B3GLCT: variants seen among roughly 807,000 people sequenced by gnomAD.
B3GLCT encodes beta-1,3-glucosyltransferase.
Under a neutral mutation model 63.4 loss-of-function variants are expected in B3GLCT, and 65 were observed. That is an observed-to-expected ratio of 1.03 (90% CI 0.84 to 1.26). B3GLCT has a LOEUF of 1.26. Ranked by LOEUF, B3GLCT falls within the 50% of genes most tolerant of loss-of-function variation. The pLI is 0.00. For missense variants in B3GLCT, 577 were observed against 604.8 expected, an observed-to-expected ratio of 0.95 and a Z score of 0.48; for synonymous variants, 233 against 219.2, an observed-to-expected ratio of 1.06 and a Z score of -0.55.
chr13:31,329,649 G>C lies in B3GLCT; in HGVS notation c.1478G>C (p.Gly493Ala). ...EDKARQETQK[G>A]FREEL The stretch of plus-strand genomic sequence containing the variant: ...AAAGCCAGGCAGGAGACACAGAAAG[G>C]TTTTCGAGAGGAGTTATAAATCAGG... The change falls in exon 15 of 15, where the codon GGT becomes GCT. Residue 493 changes from glycine to alanine, a missense_variant. By Grantham distance (60) the Gly-to-Ala change is moderately conservative. Coordinates refer to ENST00000343307, the MANE Select transcript of B3GLCT (RefSeq NM_194318.4). 1 of 1,614,206 alleles carries C rather than the reference G, an allele frequency of 6.2e-7. No individual in the cohort carries two copies. The highest frequency in any genetic ancestry group is 8.5e-7 in the Non-Finnish European group (1 of 1,180,032).
intron 6 of B3GLCT, among the ~76,000 whole-genome samples, chr13:31,254,462 G>A (rs1001064250): frequency 4.6e-5 from 7 of 152,094 alleles, no homozygotes; most frequent in Non-Finnish European, 1.0e-4. Context: ...AAATTCAACA[G>A]CCCTTCATGC....
At chr13:31,300,000 G>T (rs986805070) in intron 12 of B3GLCT, among the ~76,000 whole-genome samples, 1 of 152,142 alleles carries the variant, frequency 6.6e-6, no homozygotes, top group Non-Finnish European at 1.5e-5. Context: ...TTAGGAAAAT[G>T]CATCCAATAC....
At chr13:31,291,891 C>A (rs1873678747) in intron 12 of B3GLCT, among the ~76,000 whole-genome samples, 1 of 152,114 alleles carries the variant, frequency 6.6e-6, no homozygotes, top group South Asian at 2.1e-4. Flanking sequence ...TTGTCTTCTG[C>A]CAGTTTTCAA....
chr13:31,254,584 C>T (rs1333675385), intron 6 of B3GLCT, among the ~76,000 whole-genome samples: 7 of 152,132 alleles, frequency 4.6e-5, no homozygotes, highest in Admixed American at 4.6e-4. Flanking sequence ...TGGAAGCATT[C>T]CCTTTGAAAA....
intron 4 of B3GLCT, among the ~76,000 whole-genome samples, chr13:31,232,094 C>T (rs2137776891): frequency 6.6e-6 from 1 of 152,342 alleles, no homozygotes; most frequent in African/African-American, 2.4e-5. Flanking sequence ...TGTGCCAAGA[C>T]AGTTGCACCA....
At position 31,247,035 on chromosome 13, in the gene B3GLCT, GTCC is replaced by G. The variant is rs1351320861; in HGVS notation, c.291_293del (p.Leu98del). ...ATTGTTTTCTCAGGAGCTCCCCAGT[GTCC>G]TCCTCCTTCATCAGCTGGCTAAACA... On this transcript the variant is annotated inframe_deletion, in exon 5 of 15. Transcript: ENST00000343307. The G allele has an allele frequency of 5.0e-6, 8 of 1,606,452 alleles. No individual in the cohort carries two copies. Among genetic ancestry groups the G allele is most frequent in the Non-Finnish European group, 6.8e-6 (8 of 1,178,484 alleles).
chr13:31,321,231 A>G (rs1875315162), intron 13 of B3GLCT, among the ~76,000 whole-genome samples: 1 of 152,260 alleles, frequency 6.6e-6, no homozygotes, highest in Non-Finnish European at 1.5e-5. Flanking sequence ...GCTTTTACAA[A>G]GATGCAGGAA....
At chr13:31,246,999 C>A in intron 4 of B3GLCT, 24 bp from the exon 5 acceptor site, 4 of 1,380,718 alleles carry the variant, frequency 2.9e-6, no homozygotes, top group South Asian at 1.4e-5. Flanking sequence ...TCATACTTAT[C>A]TTCTTTGATC....
intron 1 of B3GLCT, among the ~76,000 whole-genome samples, chr13:31,204,414 G>A (rs954667429): frequency 6.6e-6 from 1 of 152,138 alleles, no homozygotes; most frequent in Non-Finnish European, 1.5e-5. Context: ...GAGAAACTGT[G>A]GGGTAAGGGT....
At chr13:31,229,082 C>A in intron 3 of B3GLCT, 103 bp from the exon 4 acceptor site, 1 of 745,222 alleles carries the variant, frequency 1.3e-6, no homozygotes, top group Non-Finnish European at 2.3e-6. Flanking sequence ...TAAGAGTTTA[C>A]TGCCTGAAGG....
intron 2 of B3GLCT, among the ~76,000 whole-genome samples, chr13:31,217,389 G>C (rs9592516): frequency 0.09 from 13,666 of 152,132 alleles, 1,550 homozygotes; most frequent in East Asian, 0.45. Context: ...CTCCCATTCT[G>C]TAGGTTATCT....
intron 1 of B3GLCT, among the ~76,000 whole-genome samples, chr13:31,200,682 G>C (rs1868612228): frequency 6.6e-6 from 1 of 151,968 alleles, no homozygotes; most frequent in African/African-American, 2.4e-5. Context: ...CCCCGGGGGC[G>C]AGGACTGCGG....
intron 8 of B3GLCT, among the ~76,000 whole-genome samples, chr13:31,274,198 T>C (rs1467030186): frequency 6.6e-6 from 1 of 152,236 alleles, no homozygotes; most frequent in Non-Finnish European, 1.5e-5. Context: ...GGAGCCATAA[T>C]ATTTTCTTAC....
intron 1 of B3GLCT, among the ~76,000 whole-genome samples, chr13:31,213,112 G>A (rs936228291): frequency 3.3e-5 from 5 of 150,692 alleles, no homozygotes; most frequent in African/African-American, 1.2e-4. Context: ...AAAGGTGAGG[G>A]GCACTAAACG....
At chr13:31,260,865 T>A in intron 6 of B3GLCT, 81 bp from the exon 7 acceptor site, 2 of 1,343,052 alleles carry the variant, frequency 1.5e-6, no homozygotes, top group South Asian at 2.4e-5. Context: ...TTTAATTATC[T>A]GAAACCAATA....
chr13:31,200,696 C>T (rs1334719762), intron 1 of B3GLCT, among the ~76,000 whole-genome samples: 1 of 152,000 alleles, frequency 6.6e-6, no homozygotes, highest in Non-Finnish European at 1.5e-5. Context: ...ACTGCGGTCC[C>T]GGTGTCCGCG....
chr13:31,281,376 C>T (rs1377256895), intron 10 of B3GLCT, among the ~76,000 whole-genome samples: 31 of 152,064 alleles, frequency 2.0e-4, no homozygotes, highest in Admixed American at 2.0e-3. Context: ...TGTTTGGTGG[C>T]TGGTGTTCTC....
At chr13:31,302,459 A>AGT (rs1233177741) in intron 12 of B3GLCT, among the ~76,000 whole-genome samples, 1 of 142,470 alleles carries the variant, frequency 7.0e-6, no homozygotes, top group East Asian at 2.1e-4. Context: ...GGCGCAGGCC[A>AGT]GTGTGTGTGC....
intron 6 of B3GLCT, among the ~76,000 whole-genome samples, chr13:31,252,116 C>A (rs2137813832): frequency 6.6e-6 from 1 of 152,242 alleles, no homozygotes; most frequent in African/African-American, 2.4e-5. Context: ...TCCAGCCAAA[C>A]TAAGCTTCAT....
Sources: allele counts gnomAD v4.1 joint callset (sites outside exome capture counted in the v4.1 genomes callset), GRCh38; gene constraint gnomAD v4.1.1; transcripts MANE v1.5; gene names NCBI Gene and HGNC (gene_info 2026-07-23, HGNC 2026-07-21).